HEMK2: variants seen among roughly 807,000 people sequenced by gnomAD.
The protein encoded by HEMK2 is HemK methyltransferase 2, ETF1 glutamine and histone H4 lysine.
At chr21:28,673,711 G>A in the HEMK2 span, among the ~76,000 whole-genome samples, 1 of 117,604 alleles carries the variant, frequency 8.5e-6, no homozygotes, top group African/African-American at 3.9e-5. Context: ...TATATTCTCA[G>A]CAACATTCCA....
chr21:28,618,775 C>T, the HEMK2 span, among the ~76,000 whole-genome samples: 1 of 152,196 alleles, frequency 6.6e-6, no homozygotes, highest in African/African-American at 2.4e-5. Flanking sequence ...ACAGCTCGCT[C>T]AATACTAATG....
chr21:28,876,939 C>T, the HEMK2 span, among the ~76,000 whole-genome samples: 2 of 145,656 alleles, frequency 1.4e-5, no homozygotes, highest in East Asian at 4.1e-4. Flanking sequence ...AAAAGAAAAC[C>T]TTCCTTATAA....
the HEMK2 span, among the ~76,000 whole-genome samples, chr21:28,666,631 G>A: frequency 6.6e-6 from 1 of 152,176 alleles, no homozygotes; most frequent in Non-Finnish European, 1.5e-5. Flanking sequence ...ATTAATAACA[G>A]AGGAGGGCAG....
At chr21:28,586,756 A>G in the HEMK2 span, among the ~76,000 whole-genome samples, 1 of 152,218 alleles carries the variant, frequency 6.6e-6, no homozygotes, top group African/African-American at 2.4e-5. Flanking sequence ...TCCAAGACAC[A>G]GACTCTGGTA....
chr21:28,834,289 G>T, the HEMK2 span, among the ~76,000 whole-genome samples: 1 of 152,190 alleles, frequency 6.6e-6, no homozygotes, highest in South Asian at 2.1e-4. Flanking sequence ...GAAGGAAGCA[G>T]ACAGCTCCTA....
At chr21:28,678,989 A>C in the HEMK2 span, among the ~76,000 whole-genome samples, 1 of 152,222 alleles carries the variant, frequency 6.6e-6, no homozygotes, top group Non-Finnish European at 1.5e-5. Context: ...GCATCAACTA[A>C]TGAGCAAAAT....
At chr21:28,788,130 G>A in the HEMK2 span, among the ~76,000 whole-genome samples, 1 of 146,396 alleles carries the variant, frequency 6.8e-6, no homozygotes, top group African/African-American at 2.6e-5. Flanking sequence ...GTATATATGT[G>A]TATATATGTA....
At chr21:28,844,344 A>G in the HEMK2 span, among the ~76,000 whole-genome samples, 82 of 152,154 alleles carry the variant, frequency 5.4e-4, no homozygotes, top group Middle Eastern at 0.014. Context: ...TGACCATGCA[A>G]TCCTATACAG....
the HEMK2 span, among the ~76,000 whole-genome samples, chr21:28,835,331 A>C: frequency 1.3e-5 from 2 of 150,758 alleles, no homozygotes; most frequent in African/African-American, 4.9e-5. Flanking sequence ...TGTGCAGAAA[A>C]CCCCCAGTAC....
At chr21:28,647,689 C>A in the HEMK2 span, among the ~76,000 whole-genome samples, 2 of 152,060 alleles carry the variant, frequency 1.3e-5, no homozygotes, top group African/African-American at 4.8e-5. Context: ...TTGAGGGCTG[C>A]AGAAGGCCAC....
the HEMK2 span, among the ~76,000 whole-genome samples, chr21:28,725,428 G>C: frequency 6.6e-6 from 1 of 152,172 alleles, no homozygotes; most frequent in Admixed American, 6.5e-5. Flanking sequence ...ACATTCATGA[G>C]ACAGGTAATC....
chr21:28,864,157 T>G, the HEMK2 span, among the ~76,000 whole-genome samples: 5 of 152,158 alleles, frequency 3.3e-5, no homozygotes, highest in Non-Finnish European at 5.9e-5. Flanking sequence ...ATGTTCCTTT[T>G]GAACAGAATC....
chr21:28,593,839 A>T, the HEMK2 span, among the ~76,000 whole-genome samples: 1 of 152,222 alleles, frequency 6.6e-6, no homozygotes, highest in Non-Finnish European at 1.5e-5. Flanking sequence ...TCTCTCTTGC[A>T]GAAGAATTCC....
the HEMK2 span, among the ~76,000 whole-genome samples, chr21:28,610,788 TAA>T: frequency 6.6e-6 from 1 of 152,034 alleles, no homozygotes; most frequent in Non-Finnish European, 1.5e-5. Flanking sequence ...CAACAGCAGT[TAA>T]AAAAGACAAA....
the HEMK2 span, among the ~76,000 whole-genome samples, chr21:28,648,643 T>G: frequency 6.6e-6 from 1 of 152,198 alleles, no homozygotes; most frequent in African/African-American, 2.4e-5. Context: ...TGATCTTCTA[T>G]GTTGTGATTC....
At chr21:28,846,880 T>C in the HEMK2 span, among the ~76,000 whole-genome samples, 1 of 152,170 alleles carries the variant, frequency 6.6e-6, no homozygotes, top group Admixed American at 6.5e-5. Flanking sequence ...AGCAAGAGTA[T>C]GTGGCATTTG....
At chr21:28,755,437 G>A in the HEMK2 span, among the ~76,000 whole-genome samples, 1 of 152,164 alleles carries the variant, frequency 6.6e-6, no homozygotes, top group Non-Finnish European at 1.5e-5. Flanking sequence ...CTGGGTTTTA[G>A]TTTAGGTAGC....
the HEMK2 span, among the ~76,000 whole-genome samples, chr21:28,591,597 A>T: frequency 6.6e-6 from 1 of 152,202 alleles, no homozygotes; most frequent in Non-Finnish European, 1.5e-5. Flanking sequence ...GATTGTTTAT[A>T]CAGGTAAACT....
the HEMK2 span, chr21:28,879,899 G>T: frequency 6.3e-7 from 1 of 1,599,048 alleles, no homozygotes; most frequent in Admixed American, 1.7e-5. Flanking sequence ...ACATAGGGGG[G>T]ATTAAACACC....
Sources: allele counts gnomAD v4.1 joint callset (sites outside exome capture counted in the v4.1 genomes callset), GRCh38; gene constraint gnomAD v4.1.1; transcripts MANE v1.5; gene names NCBI Gene and HGNC (gene_info 2026-07-23, HGNC 2026-07-21).